The following TOR1AIP1 variants were observed in gnomAD, a reference collection of about 807,000 sequenced individuals.
TOR1AIP1 encodes torsin 1A interacting protein 1, also known as torsin-1A-interacting protein 1.
Under a neutral mutation model 63.3 loss-of-function variants are expected in TOR1AIP1, and 54 were observed. That is an observed-to-expected ratio of 0.85 (90% CI 0.69 to 1.07). The LOEUF is 1.07. Among genes scored for constraint, TOR1AIP1 ranks in the 50% least tolerant of loss-of-function variants. The pLI, the probability that TOR1AIP1 is intolerant of heterozygous loss-of-function variation, is 0.00. For synonymous variants in TOR1AIP1, 294 were observed against 273.5 expected, an observed-to-expected ratio of 1.07 and a Z score of -0.74; for missense variants, 736 against 715.0, an observed-to-expected ratio of 1.03 and a Z score of -0.33.
At chr1:179,892,473 CA>C (rs1466181730) in intron 3 of TOR1AIP1, among the ~76,000 whole-genome samples, 4 of 148,484 alleles carry the variant, frequency 2.7e-5, no homozygotes, top group Non-Finnish European at 6.0e-5. Context: ...AACTCTGTCT[CA>C]AACAAAAAAA....
chr1:179,901,539 T>G (rs1648465470), intron 5 of TOR1AIP1, 151 bp downstream of exon 5: 1 of 449,214 alleles, frequency 2.2e-6, no homozygotes, highest in Non-Finnish European at 4.0e-6. Flanking sequence ...ATTACTGATT[T>G]CGTGTTCATC....
At chr1:179,914,391 GGA>G (rs1212166467) in intron 9 of TOR1AIP1, among the ~76,000 whole-genome samples, 4 of 152,174 alleles carry the variant, frequency 2.6e-5, no homozygotes, top group African/African-American at 9.7e-5. Context: ...AATGGCTTTC[GGA>G]GTCTGCAAAC....
At chr1:179,898,998 G>A (rs2148476026) in intron 3 of TOR1AIP1, among the ~76,000 whole-genome samples, 1 of 152,106 alleles carries the variant, frequency 6.6e-6, no homozygotes, top group African/African-American at 2.4e-5. Context: ...GGAACTCAAA[G>A]CTTGACTAGT....
chr1:179,883,700 C>G (rs1407159685), intron 1 of TOR1AIP1: 2 of 456,204 alleles, frequency 4.4e-6, no homozygotes, highest in East Asian at 6.9e-5. Context: ...ACAAAGTAAC[C>G]TGAAAAACAA....
intron 3 of TOR1AIP1, among the ~76,000 whole-genome samples, chr1:179,890,551 A>G (rs935760887): frequency 2.6e-5 from 4 of 152,198 alleles, no homozygotes; most frequent in Non-Finnish European, 5.9e-5. Flanking sequence ...CAGATTCGAC[A>G]TACAAAACAA....
At chr1:179,911,167 G>A (rs1648821317) in intron 8 of TOR1AIP1, among the ~76,000 whole-genome samples, 1 of 152,082 alleles carries the variant, frequency 6.6e-6, no homozygotes, top group Admixed American at 6.6e-5. Context: ...AACCACATGA[G>A]GACTTTAAGA....
intron 9 of TOR1AIP1, among the ~76,000 whole-genome samples, 178 bp downstream of exon 9, chr1:179,914,232 T>C (rs551192817): frequency 6.6e-6 from 1 of 152,354 alleles, no homozygotes; most frequent in South Asian, 2.1e-4. Context: ...AGACAAACTT[T>C]ATGAGACAAC....
chr1:179,893,810 C>A (rs188223172), intron 3 of TOR1AIP1, among the ~76,000 whole-genome samples: 55 of 152,278 alleles, frequency 3.6e-4, no homozygotes, highest in African/African-American at 1.2e-3. Flanking sequence ...GGCCTACAAT[C>A]TTTTTAATCA....
chr1:179,906,732 T>TCC lies in TOR1AIP1; in HGVS notation c.797-1081_797-1080dup, dbSNP rs58237159. On this transcript the variant is annotated intron_variant, in intron 6 of 9. Transcript: ENST00000606911. ...TTTTGGAAAAATTACCAATTTTGGT[T>TCC]CCCCCCCCCCCTTTTTTTTTTTTGA... 7.9e-3 allele frequency among the ~76,000 whole-genome samples: 893 copies of TCC among 112,630 alleles called. 21 individuals carry two copies. The highest frequency in any genetic ancestry group is 0.029 in the African/African-American group (852 of 29,392). 73.9% of individuals were successfully genotyped at this position (112,630 alleles called of 152,430 possible).
chr1:179,913,859 C>T (rs1648910840), intron 8 of TOR1AIP1, 139 bp from the exon 9 acceptor site: 1 of 752,764 alleles, frequency 1.3e-6, no homozygotes, highest in African/African-American at 1.8e-5. Context: ...CTCAGATATT[C>T]TACTTTTTCT....
Position 179,917,806 on chromosome 1 carries a change from G to A in TOR1AIP1, c.1319G>A (p.Arg440His), listed in dbSNP as rs145065164. 115 of 1,614,040 alleles carry A rather than the reference G, an allele frequency of 7.1e-5. 2 individuals carry two copies. The highest frequency in any genetic ancestry group is 1.5e-4 in the Admixed American group (9 of 60,002). ...ADAYSSFRSV[R>H]AIRIDGTDKA... ...GCCTATTCTTCTTTTCGTAGTGTCC[G>A]TGCCATCCGGATTGATGGGACAGAT... The change falls in exon 10 of 10, where the codon CGT becomes CAT. Residue 440 changes from arginine to histidine, a missense_variant. By Grantham distance (29) the Arg-to-His change is conservative (BLOSUM62 0). This residue lies in a region of TOR1AIP1 where 272 missense variants were observed against 344.1 expected (regional missense o/e 0.79). Transcript: ENST00000606911.
intron 6 of TOR1AIP1, among the ~76,000 whole-genome samples, chr1:179,906,939 G>A (rs1427194745): frequency 3.3e-5 from 5 of 151,138 alleles, no homozygotes; most frequent in South Asian, 2.1e-4. Flanking sequence ...GGGTTTCACC[G>A]TGTTAGCCAG....
chr1:179,887,554 T>C (rs1647947514), intron 2 of TOR1AIP1, among the ~76,000 whole-genome samples: 1 of 152,378 alleles, frequency 6.6e-6, no homozygotes, highest in South Asian at 2.1e-4. Context: ...TGAAATTCCA[T>C]AATTGAGTTG....
chr1:179,898,474 A>T (rs1180574492), intron 3 of TOR1AIP1, among the ~76,000 whole-genome samples: 1 of 152,216 alleles, frequency 6.6e-6, no homozygotes, highest in Non-Finnish European at 1.5e-5. Context: ...TAAAACTGCT[A>T]TACAAAAATA....
At chr1:179,905,335 T>A (rs190495068) in intron 6 of TOR1AIP1, among the ~76,000 whole-genome samples, 2 of 152,286 alleles carry the variant, frequency 1.3e-5, no homozygotes, top group African/African-American at 4.8e-5. Context: ...GAGCCGAGAT[T>A]GTGTCACTGC....
chr1:179,897,934 T>C (rs1648337059), intron 3 of TOR1AIP1, among the ~76,000 whole-genome samples: 1 of 152,060 alleles, frequency 6.6e-6, no homozygotes, highest in Non-Finnish European at 1.5e-5. Flanking sequence ...AAACCTTGTC[T>C]CTACAAAAAG....
chr1:179,882,874 G>A lies in TOR1AIP1; in HGVS notation c.372G>A (p.Thr124=), dbSNP rs745399667. Residue 124 remains threonine, a synonymous_variant, in exon 1 of 10, where the codon ACG becomes ACA. Transcript: ENST00000606911. The part of the protein sequence containing the change: ...PRPQETEEMK[T]RRTTRLQQQH... ...CCCAGGAAACCGAGGAAATGAAGAC[G>A]CGAAGGACTACCCGCCTTCAGCAGC... 3 of 1,614,174 alleles carry A rather than the reference G, an allele frequency of 1.9e-6. No homozygotes were observed. The highest frequency in any genetic ancestry group is 1.7e-6 in the Non-Finnish European group (2 of 1,180,020).
At chr1:179,907,593 T>TTATATATATATATATATACA in intron 6 of TOR1AIP1, among the ~76,000 whole-genome samples, 1 of 63,268 alleles carries the variant, frequency 1.6e-5, no homozygotes, top group Middle Eastern at 8.2e-3. Context: ...CACACACACT[T>TTATATATATATATATATACA]TATATATATA....
chr1:179,902,360 TA>T (rs1179014423), intron 5 of TOR1AIP1, among the ~76,000 whole-genome samples: 1 of 151,958 alleles, frequency 6.6e-6, no homozygotes, highest in Non-Finnish European at 1.5e-5. Flanking sequence ...CATTTCACTT[TA>T]AAAATAAGTA....
Sources: allele counts gnomAD v4.1 joint callset (sites outside exome capture counted in the v4.1 genomes callset), GRCh38; gene constraint gnomAD v4.1.1; regional missense constraint gnomAD v4.1.1; transcripts MANE v1.5; gene names NCBI Gene and HGNC (gene_info 2026-07-23, HGNC 2026-07-21).